The following ATP8A2 variants were observed in gnomAD, a reference collection of about 807,000 sequenced individuals.
The protein encoded by ATP8A2 is ATPase phospholipid transporting 8A2, also known as phospholipid-transporting ATPase IB.
Under a neutral mutation model 165.6 loss-of-function variants are expected in ATP8A2, and 100 were observed. The observed-to-expected ratio is 0.60, with a 90% confidence interval of 0.51 to 0.71. The LOEUF (loss-of-function observed/expected upper bound fraction) is 0.71, where lower values mean the gene tolerates loss of function less well. Among genes scored for constraint, ATP8A2 ranks in the 30% least tolerant of loss-of-function variants. ATP8A2 has a pLI of 0.00. For synonymous variants in ATP8A2, 543 were observed against 548.8 expected (o/e 0.99, Z 0.15); for missense variants, 1,227 against 1,479.5 (o/e 0.83, Z 2.80).
intron 25 of ATP8A2, among the ~76,000 whole-genome samples, chr13:25,732,089 T>C (rs1019188576): frequency 1.3e-5 from 2 of 152,220 alleles, no homozygotes; most frequent in African/African-American, 4.8e-5. Flanking sequence ...TTCCCTGTGT[T>C]AGTGAAAAAT....
At chr13:25,584,966 T>A (rs560691727) in intron 23 of ATP8A2, among the ~76,000 whole-genome samples, 1 of 152,326 alleles carries the variant, frequency 6.6e-6, no homozygotes, top group South Asian at 2.1e-4. Context: ...TTGGCTCTTT[T>A]TAGAGTTTGG....
At chr13:25,877,158 T>C (rs1952839702) in intron 33 of ATP8A2, among the ~76,000 whole-genome samples, 1 of 152,230 alleles carries the variant, frequency 6.6e-6, no homozygotes, top group Non-Finnish European at 1.5e-5. Context: ...TTTTATGTAG[T>C]TCTTCTGACA....
chr13:25,613,165 C>G (rs1343181166), intron 24 of ATP8A2, among the ~76,000 whole-genome samples: 1 of 152,136 alleles, frequency 6.6e-6, no homozygotes, highest in Non-Finnish European at 1.5e-5. Context: ...ATTCATCATG[C>G]TATTTGTTAC....
intron 33 of ATP8A2, among the ~76,000 whole-genome samples, chr13:25,869,745 G>A (rs1952625024): frequency 3.3e-5 from 5 of 152,134 alleles, no homozygotes; most frequent in Non-Finnish European, 7.4e-5. Flanking sequence ...TCAGCGCCCC[G>A]CTGCTCAGAC....
At chr13:25,459,934 G>A (rs1195055928) in intron 1 of ATP8A2, among the ~76,000 whole-genome samples, 1 of 152,178 alleles carries the variant, frequency 6.6e-6, no homozygotes, top group African/African-American at 2.4e-5. Context: ...GGATGCAGTG[G>A]CTCACGCCTG....
intron 33 of ATP8A2, among the ~76,000 whole-genome samples, chr13:25,926,284 G>A (rs749563994): frequency 6.6e-6 from 1 of 152,062 alleles, no homozygotes; most frequent in Non-Finnish European, 1.5e-5. Context: ...CCTATACCTA[G>A]AGCAGGGTCG....
chr13:25,985,876 G>C (rs1443645078), intron 35 of ATP8A2, among the ~76,000 whole-genome samples: 1 of 152,212 alleles, frequency 6.6e-6, no homozygotes, highest in Non-Finnish European at 1.5e-5. Context: ...ATTGGGGTGG[G>C]GGTATCACTG....
At chr13:25,817,365 A>C (rs1042659652) in intron 27 of ATP8A2, among the ~76,000 whole-genome samples, 1 of 140,240 alleles carries the variant, frequency 7.1e-6, no homozygotes, top group African/African-American at 2.7e-5. Flanking sequence ...GGGGGGGGAA[A>C]CACGATTTTG....
At chr13:25,797,337 G>T (rs1482871912) in intron 27 of ATP8A2, among the ~76,000 whole-genome samples, 1 of 152,096 alleles carries the variant, frequency 6.6e-6, no homozygotes, top group Non-Finnish European at 1.5e-5. Flanking sequence ...ATAAATTCTT[G>T]AGGTGATGGA....
At chr13:25,792,918 G>T (rs1446891227) in intron 27 of ATP8A2, among the ~76,000 whole-genome samples, 2 of 145,074 alleles carry the variant, frequency 1.4e-5, no homozygotes, top group African/African-American at 5.1e-5. Flanking sequence ...AAAAAGAAAA[G>T]AAAAAGAGAG....
intron 1 of ATP8A2, among the ~76,000 whole-genome samples, chr13:25,389,752 C>T (rs917343823): frequency 1.3e-5 from 2 of 152,184 alleles, no homozygotes; most frequent in Non-Finnish European, 2.9e-5. Context: ...ATGCATAATA[C>T]TCCATAGTTC....
intron 1 of ATP8A2, among the ~76,000 whole-genome samples, chr13:25,457,900 G>T (rs923760100): frequency 3.9e-5 from 6 of 152,222 alleles, no homozygotes; most frequent in Non-Finnish European, 5.9e-5. Context: ...GGGAACAAAA[G>T]TGAATGAGCT....
intron 24 of ATP8A2, among the ~76,000 whole-genome samples, chr13:25,688,480 T>G (rs1263981653): frequency 6.6e-6 from 1 of 152,224 alleles, no homozygotes; most frequent in Non-Finnish European, 1.5e-5. Context: ...GTTTTCTACA[T>G]TTTTTGCTTA....
chr13:25,766,299 T>C (rs1184782668), intron 25 of ATP8A2, among the ~76,000 whole-genome samples: 1 of 152,224 alleles, frequency 6.6e-6, no homozygotes, highest in African/African-American at 2.4e-5. Context: ...TTTCTAATTA[T>C]TAAGTAGGTA....
chr13:25,970,235 C>T (rs1471103637), intron 35 of ATP8A2, among the ~76,000 whole-genome samples: 1 of 152,192 alleles, frequency 6.6e-6, no homozygotes, highest in Non-Finnish European at 1.5e-5. Flanking sequence ...GCAAAACTCT[C>T]AAACTCCTCT....
chr13:25,771,619 G>C (rs34744404), intron 26 of ATP8A2, among the ~76,000 whole-genome samples: 1 of 152,090 alleles, frequency 6.6e-6, no homozygotes, highest in Non-Finnish European at 1.5e-5. Flanking sequence ...AGGGAGCGAG[G>C]CTTTAAAACG....
intron 2 of ATP8A2, among the ~76,000 whole-genome samples, chr13:25,486,453 G>T: frequency 6.6e-6 from 1 of 152,066 alleles, no homozygotes; most frequent in Non-Finnish European, 1.5e-5. Context: ...ATATCCTGAA[G>T]ATAAATTTAT....
At chr13:25,910,724 A>C (rs941386150) in intron 33 of ATP8A2, among the ~76,000 whole-genome samples, 1 of 152,186 alleles carries the variant, frequency 6.6e-6, no homozygotes, top group Non-Finnish European at 1.5e-5. Flanking sequence ...GGTTGAATGA[A>C]GATGGTGGTC....
chr13:25,758,835 A>G (rs1566110582), intron 25 of ATP8A2, among the ~76,000 whole-genome samples: 1 of 152,190 alleles, frequency 6.6e-6, no homozygotes, highest in Non-Finnish European at 1.5e-5. Context: ...GTAAAGCATT[A>G]TTATTTCCCG....
Sources: gnomAD v4.1 joint callset for allele counts (sites outside exome capture counted in the v4.1 genomes callset) on GRCh38, gnomAD v4.1.1 for gene constraint, MANE v1.5 for transcripts, NCBI Gene and HGNC (gene_info 2026-07-23, HGNC 2026-07-21) for gene names.